Variants in IMMP1L observed in about 807,000 individuals in gnomAD.
The protein encoded by IMMP1L is inner mitochondrial membrane peptidase subunit 1, also known as mitochondrial inner membrane protease subunit 1.
In IMMP1L, 24 loss-of-function variants were observed where a neutral mutation model predicts 21.8. The ratio of observed to expected loss-of-function variants is 1.10; its 90% CI spans 0.80 to 1.55. The LOEUF (loss-of-function observed/expected upper bound fraction) is 1.55, where lower values mean the gene tolerates loss of function less well. Ranked by LOEUF, IMMP1L falls within the 40% of genes most tolerant of loss-of-function variation. The probability of loss-of-function intolerance (pLI) is 0.00; values close to 1 mark genes in which losing one functional copy is unlikely to be tolerated. For missense variants in IMMP1L, 195 were observed against 200.7 expected, an observed-to-expected ratio of 0.97 and a Z score of 0.17; for synonymous variants, 46 against 62.8, an observed-to-expected ratio of 0.73 and a Z score of 1.26.
At chr11:31,503,388 A>G (rs1156837500) in intron 1 of IMMP1L, among the ~76,000 whole-genome samples, 1 of 152,178 alleles carries the variant, frequency 6.6e-6, no homozygotes, top group Non-Finnish European at 1.5e-5. Context: ...TGTAGAAGGA[A>G]ATAAATGATA....
intron 3 of IMMP1L, among the ~76,000 whole-genome samples, chr11:31,458,152 G>A (rs186176743): frequency 2.9e-4 from 42 of 143,190 alleles, no homozygotes; most frequent in Non-Finnish European, 4.6e-4. Flanking sequence ...TAATTCAGTC[G>A]TGCTGTTTTG....
intron 3 of IMMP1L, among the ~76,000 whole-genome samples, chr11:31,458,043 G>A (rs1249506412): frequency 2.6e-5 from 4 of 152,130 alleles, no homozygotes; most frequent in Non-Finnish European, 4.4e-5. Flanking sequence ...AGGAAGAGAC[G>A]TTTTTCCATG....
intron 1 of IMMP1L, among the ~76,000 whole-genome samples, chr11:31,464,239 AGAG>A (rs1324893000): frequency 6.6e-6 from 1 of 152,132 alleles, no homozygotes; most frequent in African/African-American, 2.4e-5. Flanking sequence ...AAAAAGCCTA[AGAG>A]TAGTAAAGTA....
chr11:31,489,633 C>T (rs1263201388), intron 1 of IMMP1L, among the ~76,000 whole-genome samples: 4 of 152,172 alleles, frequency 2.6e-5, no homozygotes, highest in Non-Finnish European at 5.9e-5. Flanking sequence ...TGCTTTTACA[C>T]ATTTCACTTT....
chr11:31,464,101 G>A (rs901562309), intron 1 of IMMP1L, among the ~76,000 whole-genome samples: 7 of 151,826 alleles, frequency 4.6e-5, no homozygotes, highest in Middle Eastern at 3.4e-3. Context: ...ACAATATACT[G>A]TTCTCAGATC....
chr11:31,455,195 T>A (rs927965920), intron 4 of IMMP1L, among the ~76,000 whole-genome samples: 1 of 152,210 alleles, frequency 6.6e-6, no homozygotes, highest in Non-Finnish European at 1.5e-5. Flanking sequence ...CCAGAGGCTA[T>A]TACGGTTCAA....
At chr11:31,433,033 T>C (rs1418408528) in intron 5 of IMMP1L, among the ~76,000 whole-genome samples, 1 of 152,198 alleles carries the variant, frequency 6.6e-6, no homozygotes, top group East Asian at 1.9e-4. Context: ...GTGAAAACAA[T>C]CTTCCCTAAT....
At chr11:31,493,567 C>T (rs1015037950) in intron 1 of IMMP1L, among the ~76,000 whole-genome samples, 3 of 152,164 alleles carry the variant, frequency 2.0e-5, no homozygotes, top group African/African-American at 7.2e-5. Flanking sequence ...CCTCACATTT[C>T]AAAACACAAT....
rs75446776 is a variant in IMMP1L at position 31,503,329 on chromosome 11, G to A, written c.-30+6190C>T. On this transcript the variant is annotated intron_variant, in intron 1 of 5. Coordinates refer to ENST00000532287, the MANE Select transcript of IMMP1L (RefSeq NM_001304274.2). ...CAGAAAATCAATAATTAAGCTTTTA[G>A]TATAAGAAGGCGGAACAAACAAAGC... Among the ~76,000 whole-genome samples, 1,060 of 152,224 alleles carry A rather than the reference G, an allele frequency of 7.0e-3. 4 individuals are homozygous for A. Among genetic ancestry groups the A allele is most frequent in the Non-Finnish European group, 0.012 (829 of 67,998 alleles).
intron 4 of IMMP1L, among the ~76,000 whole-genome samples, chr11:31,441,693 G>C (rs750999862): frequency 6.6e-6 from 1 of 151,918 alleles, no homozygotes; most frequent in African/African-American, 2.4e-5. Context: ...GAATTCTATA[G>C]CAATATTATA....
intron 1 of IMMP1L, among the ~76,000 whole-genome samples, chr11:31,489,903 CTT>C (rs1303055639): frequency 6.6e-6 from 1 of 152,144 alleles, no homozygotes; most frequent in African/African-American, 2.4e-5. Flanking sequence ...TCTAAATATA[CTT>C]AAATTGTATT....
chr11:31,498,019 C>T (rs1955508639), intron 1 of IMMP1L, among the ~76,000 whole-genome samples: 1 of 152,064 alleles, frequency 6.6e-6, no homozygotes, highest in Non-Finnish European at 1.5e-5. Flanking sequence ...TATTCCAATG[C>T]TCAGTGAGAG....
chr11:31,507,148 G>A (rs1379710766), intron 1 of IMMP1L, among the ~76,000 whole-genome samples: 1 of 151,548 alleles, frequency 6.6e-6, no homozygotes, highest in Non-Finnish European at 1.5e-5. Flanking sequence ...GCGTGGTGAC[G>A]GGCGCCTGTA....
rs1455912276 is a variant in IMMP1L at position 31,442,378 on chromosome 11, T to C, written c.322-8808A>G. ...AGGCAATACACAGGTGTTACCTTTCTTGATTCAAGTGAAATCTGATGAAAC... is the reference window on the plus strand; with the variant it reads ...AGGCAATACACAGGTGTTACCTTTCCTGATTCAAGTGAAATCTGATGAAAC... On this transcript the variant is annotated intron_variant, in intron 4 of 5. Coordinates refer to ENST00000532287, the MANE Select transcript of IMMP1L (RefSeq NM_001304274.2). Among the ~76,000 whole-genome samples, 6 of 152,196 alleles carry C rather than the reference T, an allele frequency of 3.9e-5. No individual in the cohort carries two copies. The South Asian group carries it at 1.0e-3, about 26-fold the overall frequency.
chr11:31,439,230 T>C (rs1953233051), intron 4 of IMMP1L, among the ~76,000 whole-genome samples: 1 of 152,118 alleles, frequency 6.6e-6, no homozygotes, highest in Non-Finnish European at 1.5e-5. Context: ...GGGGCATCCA[T>C]AGCCTTCATG....
At chr11:31,486,598 C>T (rs1955086125) in intron 1 of IMMP1L, among the ~76,000 whole-genome samples, 2 of 151,894 alleles carry the variant, frequency 1.3e-5, no homozygotes, top group South Asian at 4.1e-4. Context: ...AACAAATGTA[C>T]ACATGATATG....
intron 1 of IMMP1L, among the ~76,000 whole-genome samples, chr11:31,498,119 T>C (rs746102120): frequency 5.3e-5 from 8 of 152,190 alleles, no homozygotes; most frequent in Middle Eastern, 3.2e-3. Context: ...ATTTGCTTTA[T>C]ATTCTTAAAA....
chr11:31,447,869 G>C (rs1443903322), intron 4 of IMMP1L, among the ~76,000 whole-genome samples: 1 of 151,804 alleles, frequency 6.6e-6, no homozygotes, highest in Non-Finnish European at 1.5e-5. Context: ...TATTTTTATG[G>C]GCTAAGATTA....
At chr11:31,435,495 C>T (rs896913785) in intron 4 of IMMP1L, among the ~76,000 whole-genome samples, 10 of 152,148 alleles carry the variant, frequency 6.6e-5, no homozygotes, top group African/African-American at 2.2e-4. Context: ...AAAATAACTG[C>T]GGTTTTTGCC....
Sources: gnomAD v4.1 joint callset for allele counts (sites outside exome capture counted in the v4.1 genomes callset) on GRCh38, gnomAD v4.1.1 for gene constraint, MANE v1.5 for transcripts, NCBI Gene and HGNC (gene_info 2026-07-23, HGNC 2026-07-21) for gene names.